BLTP1: variants seen among roughly 807,000 people sequenced by gnomAD.
BLTP1 encodes bridge-like lipid transfer protein family member 1, also known as fragile site-associated protein.
the BLTP1 span, among the ~76,000 whole-genome samples, chr4:122,314,566 G>A: frequency 2.6e-5 from 4 of 152,202 alleles, no homozygotes; most frequent in African/African-American, 9.6e-5. Context: ...ACTTATTTAA[G>A]GGCTCTTAAA....
chr4:122,320,101 G>A, the BLTP1 span, among the ~76,000 whole-genome samples: 2 of 152,084 alleles, frequency 1.3e-5, no homozygotes, highest in African/African-American at 4.8e-5. Flanking sequence ...GGATTCATCT[G>A]TTTCTCCTTG....
the BLTP1 span, chr4:122,325,395 C>T: frequency 2.0e-6 from 3 of 1,473,896 alleles, no homozygotes; most frequent in South Asian, 4.1e-5. Flanking sequence ...TGGTATTATA[C>T]TATTTCAAAA....
the BLTP1 span, among the ~76,000 whole-genome samples, chr4:122,168,633 T>C: frequency 5.3e-5 from 8 of 152,104 alleles, no homozygotes; most frequent in Non-Finnish European, 1.0e-4. Context: ...TGTTATAAAG[T>C]TAGCCGTCAA....
the BLTP1 span, chr4:122,188,426 A>G: frequency 6.0e-6 from 1 of 166,426 alleles, no homozygotes; most frequent in Non-Finnish European, 1.2e-5. Flanking sequence ...TTTCTAGAAG[A>G]TGTGACTAAA....
the BLTP1 span, chr4:122,247,601 A>G: frequency 2.5e-5 from 30 of 1,189,194 alleles, no homozygotes; most frequent in East Asian, 7.2e-4. Context: ...AGGAACTTCT[A>G]TTTCCCATGT....
At chr4:122,279,805 C>T in the BLTP1 span, 2 of 1,613,846 alleles carry the variant, frequency 1.2e-6, no homozygotes, top group Non-Finnish European at 1.7e-6. Flanking sequence ...TTGCCAAGTC[C>T]CAAGCCCTCT....
chr4:122,298,695 G>A, the BLTP1 span: 59 of 282,920 alleles, frequency 2.1e-4, no homozygotes, highest in Non-Finnish European at 2.7e-4. Flanking sequence ...AGATTTAAAT[G>A]AATTTTTGAT....
At chr4:122,309,212 A>G in the BLTP1 span, 1 of 1,571,906 alleles carries the variant, frequency 6.4e-7, no homozygotes, top group Non-Finnish European at 8.7e-7. Flanking sequence ...GAGGATTTCT[A>G]AGTTTAAAAA....
the BLTP1 span, chr4:122,247,792 A>G: frequency 8.1e-6 from 8 of 993,784 alleles, no homozygotes; most frequent in Non-Finnish European, 9.6e-6. Context: ...CAATAAGGTG[A>G]CACACATTCC....
chr4:122,160,310 C>T, the BLTP1 span, among the ~76,000 whole-genome samples: 3 of 152,228 alleles, frequency 2.0e-5, no homozygotes, highest in Non-Finnish European at 2.9e-5. Context: ...TCTTTCCATT[C>T]TTAAGAATAT....
chr4:122,243,153 T>C, the BLTP1 span: 1 of 1,336,464 alleles, frequency 7.5e-7, no homozygotes, highest in South Asian at 1.3e-5. Flanking sequence ...CATTCTTTAT[T>C]TGAGTATGAA....
the BLTP1 span, chr4:122,189,956 T>G: frequency 6.2e-7 from 1 of 1,602,172 alleles, no homozygotes; most frequent in Non-Finnish European, 8.5e-7. Flanking sequence ...CATTTTATAT[T>G]CTGGAGATTT....
At chr4:122,309,763 G>C in the BLTP1 span, among the ~76,000 whole-genome samples, 1 of 151,494 alleles carries the variant, frequency 6.6e-6, no homozygotes, top group Non-Finnish European at 1.5e-5. Flanking sequence ...TTGACCTGTC[G>C]GAATCTTGAA....
At chr4:122,228,484 T>TA in the BLTP1 span, among the ~76,000 whole-genome samples, 1 of 152,168 alleles carries the variant, frequency 6.6e-6, no homozygotes, top group Non-Finnish European at 1.5e-5. Flanking sequence ...TATATCCTTA[T>TA]AGAGTATTGA....
At chr4:122,307,557 G>A in the BLTP1 span, 4 of 984,946 alleles carry the variant, frequency 4.1e-6, no homozygotes, top group Non-Finnish European at 4.8e-6. Flanking sequence ...TTAATGGTAT[G>A]TTCCTAGCAT....
chr4:122,245,167 T>A, the BLTP1 span: 4 of 1,558,724 alleles, frequency 2.6e-6, no homozygotes, highest in Non-Finnish European at 3.5e-6. Context: ...TCAATGGGCA[T>A]AGCAAATTGA....
chr4:122,320,687 TA>T, the BLTP1 span, among the ~76,000 whole-genome samples: 2 of 152,152 alleles, frequency 1.3e-5, no homozygotes, highest in Admixed American at 6.6e-5. Context: ...TATATATGCT[TA>T]AATATGTATA....
chr4:122,238,043 C>G, the BLTP1 span: 2 of 1,484,454 alleles, frequency 1.3e-6, no homozygotes, highest in East Asian at 4.9e-5. Flanking sequence ...TTTTTATAAA[C>G]TGCTGTTGAG....
the BLTP1 span, chr4:122,189,018 T>G: frequency 1.0e-6 from 1 of 985,156 alleles, no homozygotes; most frequent in Non-Finnish European, 1.2e-6. Context: ...TGGTTAAGAA[T>G]CTTCTGGAAT....
Sources: allele counts gnomAD v4.1 joint callset (sites outside exome capture counted in the v4.1 genomes callset), GRCh38; gene constraint gnomAD v4.1.1; transcripts MANE v1.5; gene names NCBI Gene and HGNC (gene_info 2026-07-23, HGNC 2026-07-21).